The following SORCS3 variants were observed in gnomAD, a reference collection of about 807,000 sequenced individuals.
The protein encoded by SORCS3 is VPS10 domain-containing receptor SorCS3.
A neutral mutation model predicts 146.3 loss-of-function variants in SORCS3; 57 were observed. The ratio of observed to expected loss-of-function variants is 0.39; its 90% CI spans 0.31 to 0.49. SORCS3 has a LOEUF of 0.49. SORCS3 is among the 20% of genes least tolerant of loss of function. The pLI is 0.92. For synonymous variants in SORCS3, 653 were observed against 618.5 expected, an observed-to-expected ratio of 1.06 and a Z score of -0.83; for missense variants, 1,341 against 1,575.5, an observed-to-expected ratio of 0.85 and a Z score of 2.52.
At chr10:105,251,096 C>T (rs1162572621) in intron 22 of SORCS3, among the ~76,000 whole-genome samples, 3 of 152,174 alleles carry the variant, frequency 2.0e-5, no homozygotes, top group Non-Finnish European at 2.9e-5. Flanking sequence ...AGTCCATTCT[C>T]AAACTTGTAT....
At chr10:104,706,354 G>A (rs944153608) in intron 1 of SORCS3, among the ~76,000 whole-genome samples, 9 of 151,538 alleles carry the variant, frequency 5.9e-5, no homozygotes, top group Admixed American at 2.6e-4. Context: ...GACTACAGGC[G>A]TGCACCACCA....
At chr10:104,935,373 G>T (rs994044972) in intron 3 of SORCS3, among the ~76,000 whole-genome samples, 1 of 152,120 alleles carries the variant, frequency 6.6e-6, no homozygotes, top group Non-Finnish European at 1.5e-5. Context: ...TGCTCTTTAG[G>T]ATTACCTGGA....
chr10:105,252,680 A>C (rs1440546039), intron 22 of SORCS3, 95 bp from the exon 23 acceptor site: 1 of 1,499,474 alleles, frequency 6.7e-7, no homozygotes, highest in Non-Finnish European at 9.1e-7. Context: ...TGAAAAACTC[A>C]CATGAGCCAT....
chr10:104,767,458 A>G (rs994579168), intron 1 of SORCS3, among the ~76,000 whole-genome samples: 2 of 152,256 alleles, frequency 1.3e-5, no homozygotes, highest in East Asian at 1.9e-4. Context: ...CAGTAACAAC[A>G]TATTTTGTAA....
intron 8 of SORCS3, 114 bp from the exon 9 acceptor site, chr10:105,147,503 C>A: frequency 3.5e-6 from 3 of 852,138 alleles, no homozygotes; most frequent in South Asian, 2.0e-5. Flanking sequence ...TTAACATTGC[C>A]TATAACTCAA....
At chr10:104,929,066 C>T (rs559183664) in intron 3 of SORCS3, among the ~76,000 whole-genome samples, 3 of 152,252 alleles carry the variant, frequency 2.0e-5, no homozygotes, top group South Asian at 2.1e-4. Flanking sequence ...TTCCTGGTTT[C>T]CCCCAGGGCC....
At chr10:105,145,210 A>C (rs1429653913) in intron 8 of SORCS3, among the ~76,000 whole-genome samples, 1 of 152,136 alleles carries the variant, frequency 6.6e-6, no homozygotes, top group East Asian at 1.9e-4. Flanking sequence ...CAGTGTTTAG[A>C]AGTTAGCTTC....
At chr10:105,021,025 A>T (rs1215943378) in intron 4 of SORCS3, among the ~76,000 whole-genome samples, 1 of 152,204 alleles carries the variant, frequency 6.6e-6, no homozygotes, top group African/African-American at 2.4e-5. Flanking sequence ...CCCATGCCCA[A>T]ATGCATTGCA....
chr10:105,148,732 G>C (rs1176010379), intron 9 of SORCS3, among the ~76,000 whole-genome samples: 1 of 152,084 alleles, frequency 6.6e-6, no homozygotes, highest in Non-Finnish European at 1.5e-5. Flanking sequence ...TGAGGAGTGG[G>C]AGTGGCTACA....
intron 1 of SORCS3, among the ~76,000 whole-genome samples, chr10:104,842,256 T>G (rs1035250023): frequency 6.6e-6 from 1 of 152,188 alleles, no homozygotes; most frequent in Non-Finnish European, 1.5e-5. Context: ...TATCAGGGGA[T>G]GTTGGGGAAG....
chr10:104,831,087 A>C (rs186096563), intron 1 of SORCS3, among the ~76,000 whole-genome samples: 130 of 152,166 alleles, frequency 8.5e-4, no homozygotes, highest in African/African-American at 3.0e-3. Context: ...CGGCCTCCTA[A>C]AGTGTTGGGA....
intron 19 of SORCS3, among the ~76,000 whole-genome samples, chr10:105,220,170 A>G (rs1052601919): frequency 2.0e-5 from 3 of 152,064 alleles, no homozygotes; most frequent in African/African-American, 7.2e-5. Context: ...ATCTCTTCTC[A>G]TTGATCCTTG....
At chr10:105,201,071 A>G in intron 15 of SORCS3, 49 bp from the exon 16 acceptor site, 1 of 1,595,164 alleles carries the variant, frequency 6.3e-7, no homozygotes. Context: ...GGTTTATTTC[A>G]CCACCTTTTT....
intron 1 of SORCS3, among the ~76,000 whole-genome samples, chr10:104,776,362 G>A (rs188444596): frequency 3.5e-4 from 53 of 152,226 alleles, no homozygotes; most frequent in African/African-American, 1.2e-3. Context: ...AGTTCTTTCT[G>A]CTAGGCCAGC....
chr10:104,898,018 T>G (rs1370681621), intron 2 of SORCS3, among the ~76,000 whole-genome samples: 1 of 152,192 alleles, frequency 6.6e-6, no homozygotes, highest in Non-Finnish European at 1.5e-5. Context: ...CAGAATGGCT[T>G]AGGGTAGGTT....
intron 14 of SORCS3, among the ~76,000 whole-genome samples, chr10:105,197,177 T>A (rs2056548613): frequency 6.6e-6 from 1 of 152,164 alleles, no homozygotes. Context: ...TTTTCCCACA[T>A]AAGGTCACAT....
intron 11 of SORCS3, among the ~76,000 whole-genome samples, chr10:105,159,620 C>T (rs771789185): frequency 1.8e-4 from 27 of 152,196 alleles, no homozygotes; most frequent in Non-Finnish European, 3.1e-4. Flanking sequence ...TTTCCATACA[C>T]CTTTTCAAGA....
At chr10:104,682,117 G>A (rs921094204) in intron 1 of SORCS3, among the ~76,000 whole-genome samples, 1 of 152,218 alleles carries the variant, frequency 6.6e-6, no homozygotes, top group Non-Finnish European at 1.5e-5. Context: ...AACTTAGCAA[G>A]GCAAGGTGGT....
chr10:104,746,105 A>C (rs909399950), intron 1 of SORCS3, among the ~76,000 whole-genome samples: 4 of 151,210 alleles, frequency 2.6e-5, no homozygotes, highest in African/African-American at 4.8e-5. Context: ...GTATATATTT[A>C]TGGGTATGAT....
Sources: allele counts gnomAD v4.1 joint callset (sites outside exome capture counted in the v4.1 genomes callset), GRCh38; gene constraint gnomAD v4.1.1; transcripts MANE v1.5; gene names NCBI Gene and HGNC (gene_info 2026-07-23, HGNC 2026-07-21).